The following FAM193B variants were observed in gnomAD, a reference collection of about 807,000 sequenced individuals.
FAM193B encodes protein FAM193B.
A neutral mutation model predicts 70.7 loss-of-function variants in FAM193B; 27 were observed. That is an observed-to-expected ratio of 0.38 (90% confidence interval 0.28 to 0.53). The LOEUF is 0.53. Ranked by LOEUF, FAM193B falls within the 20% of genes least tolerant of loss-of-function variation. The probability of loss-of-function intolerance (pLI) is 0.81; values close to 1 mark genes in which losing one functional copy is unlikely to be tolerated. For synonymous variants in FAM193B, 448 were observed against 436.0 expected (o/e 1.03, Z -0.34); for missense variants, 1,022 against 1,072.5 (o/e 0.95, Z 0.66).
chr5:177,551,430 G>C (rs989559929), intron 1 of FAM193B, among the ~76,000 whole-genome samples: 3 of 152,168 alleles, frequency 2.0e-5, no homozygotes, highest in African/African-American at 7.2e-5. Context: ...TAAACTCAAG[G>C]TCCTGCTTTA....
Position 177,532,309 on chromosome 5 carries a change from G to C in FAM193B, c.1275+134C>G. The C allele has an allele frequency of 6.7e-7, 1 of 1,484,230 alleles. No individual in the cohort carries two copies. Among genetic ancestry groups the C allele is most frequent in the Non-Finnish European group, 9.0e-7 (1 of 1,116,708 alleles). 91.9% of individuals were successfully genotyped at this position (1,484,230 alleles called of 1,614,324 possible). ...TGCTGTGAGGATCAAGCGAGCAGAC[G>C]CAGGTGCAAGGACTCACGGCCCCAG... On this transcript the variant is annotated intron_variant, in intron 5 of 8. Transcript: ENST00000514747. The surrounding 1 kb of genome is among the most constrained non-coding windows in gnomAD (Gnocchi z 4.9).
Position 177,524,422 on chromosome 5 carries a change from C to G in FAM193B, c.2059G>C (p.Ala687Pro). The G allele has an allele frequency of 6.2e-7, 1 of 1,600,368 alleles. No homozygotes were observed. Among genetic ancestry groups the G allele is most frequent in the Non-Finnish European group, 8.5e-7 (1 of 1,173,594 alleles). The change falls in exon 6 of 9, where the codon GCT becomes CCT. Residue 687 changes from alanine to proline, a missense_variant. Coordinates refer to ENST00000514747, the MANE Select transcript of FAM193B (RefSeq NM_001190946.3). Reference protein sequence around the residue: ...VLELPKVGSCAEAGEGSRGSR... With the variant: ...VLELPKVGSCPEAGEGSRGSR... Reference sequence around the variant, plus strand: ...CCCCGGCTCCCCTCTCCAGCCTCAGCACAGCTGCCTACTTTGGGAAGCTCT... The same window carrying G: ...CCCCGGCTCCCCTCTCCAGCCTCAGGACAGCTGCCTACTTTGGGAAGCTCT...
chr5:177,520,713 C>A (rs1761597242), intron 8 of FAM193B, among the ~76,000 whole-genome samples: 1 of 152,200 alleles, frequency 6.6e-6, no homozygotes, highest in Non-Finnish European at 1.5e-5. Flanking sequence ...GTAGGGATAA[C>A]AGATGAAGTG....
chr5:177,550,480 CA>C (rs1229999695), intron 1 of FAM193B, among the ~76,000 whole-genome samples: 1 of 152,184 alleles, frequency 6.6e-6, no homozygotes, highest in African/African-American at 2.4e-5. Flanking sequence ...TCATCTGCTC[CA>C]ATTTCTTGAG....
chr5:177,525,124 T>C lies in FAM193B; in HGVS notation c.1357A>G (p.Arg453Gly). The change falls in exon 6 of 9, where the codon AGG becomes GGG. Residue 453 changes from arginine (R) to glycine (G), a missense_variant. Transcript: ENST00000514747. ...TCGGGCCACTCCAAGAGCCTCTCCC[T>C]GGCAGGCCTTGGCTCCCGGCTTCCA... is the stretch of plus-strand genomic sequence containing the variant. Reference protein sequence around the residue: ...VSGSREPRPARERLLEWPDRE... With the variant: ...VSGSREPRPAGERLLEWPDRE... 6.4e-7 allele frequency: 1 copy of C among 1,553,680 alleles called. No homozygotes were observed. The highest frequency in any genetic ancestry group is 1.2e-5 in the South Asian group (1 of 83,200).
chr5:177,538,962 A>G lies in FAM193B; in HGVS notation c.396T>C (p.Ser132=). The G allele has an allele frequency of 1.2e-6, 2 of 1,613,976 alleles. No homozygotes were observed. Among genetic ancestry groups the G allele is most frequent in the South Asian group, 2.2e-5 (2 of 91,080 alleles). The part of the protein sequence containing the change: ...LGEMPLWVCQ[S]CRKSMEEDER... Reference sequence around the variant, plus strand: ...CATCTTCCTCCATGCTCTTTCGGCAACTCTGGCAGACCCACAGAGGCATCT... The same window carrying G: ...CATCTTCCTCCATGCTCTTTCGGCAGCTCTGGCAGACCCACAGAGGCATCT... Residue 132 remains serine (S), a synonymous_variant, in exon 2 of 9, where the codon AGT becomes AGC. Coordinates refer to ENST00000514747, the MANE Select transcript of FAM193B (RefSeq NM_001190946.3). This position sits in a 1 kb window ranked among gnomAD's most constrained non-coding sequence, Gnocchi z 4.1.
At chr5:177,529,445 G>A (rs1033908075) in intron 5 of FAM193B, among the ~76,000 whole-genome samples, 3 of 152,084 alleles carry the variant, frequency 2.0e-5, no homozygotes, top group Admixed American at 1.3e-4. Flanking sequence ...GATGCATCAC[G>A]CTGCCACTGT....
chr5:177,552,874 C>G (rs1031879513), intron 1 of FAM193B, among the ~76,000 whole-genome samples: 14 of 152,190 alleles, frequency 9.2e-5, no homozygotes, highest in African/African-American at 3.1e-4. Flanking sequence ...ACAATAAGCA[C>G]GGGTTCTGGA....
chr5:177,543,504 T>C (rs937655538), intron 1 of FAM193B, among the ~76,000 whole-genome samples: 4 of 152,210 alleles, frequency 2.6e-5, no homozygotes, highest in African/African-American at 9.7e-5. Flanking sequence ...GCCCAGGCAG[T>C]TTGAGGGGCC....
intron 1 of FAM193B, among the ~76,000 whole-genome samples, chr5:177,540,987 G>A (rs541481559): frequency 2.0e-5 from 3 of 152,052 alleles, no homozygotes; most frequent in Admixed American, 6.5e-5. Flanking sequence ...TGGGTCCTTG[G>A]TTTCTCAAAA....
Position 177,524,207 on chromosome 5 carries a change from C to T in FAM193B, c.2274G>A (p.Gln758=), listed in dbSNP as rs763938952. 5.9e-5 allele frequency: 91 copies of T among 1,554,554 alleles called. No homozygotes were observed. The highest frequency in any genetic ancestry group is 7.7e-5 in the Non-Finnish European group (88 of 1,150,292). Residue 758 remains glutamine, a synonymous_variant, in exon 6 of 9, where the codon CAG becomes CAA. Coordinates refer to ENST00000514747, the MANE Select transcript of FAM193B (RefSeq NM_001190946.3). ...CACCCAAGGAGGAGGCTGGCTTCTCCTGCTTGTTGCGGCTCCGGCGGCTGC... is the reference window on the plus strand; with the variant it reads ...CACCCAAGGAGGAGGCTGGCTTCTCTTGCTTGTTGCGGCTCCGGCGGCTGC... ...KGRSRRSRNK[Q]EKPASSLDDV... is the part of the protein sequence containing the mutation.
intron 1 of FAM193B, among the ~76,000 whole-genome samples, chr5:177,549,901 A>G (rs1000498829): frequency 1.3e-5 from 2 of 152,234 alleles, no homozygotes; most frequent in African/African-American, 2.4e-5. Flanking sequence ...TATTGAGTAT[A>G]TAAGGTCCAC....
At position 177,524,821 on chromosome 5, in the gene FAM193B, C is replaced by T; in HGVS notation, c.1660G>A (p.Ala554Thr). 6.6e-7 allele frequency: 1 copy of T among 1,509,314 alleles called. No individual in the cohort carries two copies. The highest frequency in any genetic ancestry group is 8.8e-7 in the Non-Finnish European group (1 of 1,131,668). 93.5% of individuals were successfully genotyped at this position (1,509,314 alleles called of 1,614,324 possible). A position where few individuals can be genotyped will look rare whatever the true frequency, so the allele number is the denominator to read the frequency against. ...NHTLQAPGEPAPPWAEMRGPH... is the reference protein window; with the variant it reads ...NHTLQAPGEPTPPWAEMRGPH... ...CCTCTCATTTCTGCCCATGGTGGGGCTGGCTCGCCTGGAGCTTGTAACGTG... is the reference window on the plus strand; with the variant it reads ...CCTCTCATTTCTGCCCATGGTGGGGTTGGCTCGCCTGGAGCTTGTAACGTG... The change falls in exon 6 of 9, where the codon GCC becomes ACC. Residue 554 changes from alanine to threonine, a missense_variant. Coordinates refer to ENST00000514747, the MANE Select transcript of FAM193B (RefSeq NM_001190946.3).
In FAM193B at chr5:177,545,827, TG is replaced by T. The variant is rs1224348622; in HGVS notation, c.211-6681del. Among the ~76,000 whole-genome samples, 5 of 152,180 alleles carry T rather than the reference TG, an allele frequency of 3.3e-5. No homozygotes were observed. In the East Asian group the frequency reaches 9.6e-4, roughly 29 times the overall value. On this transcript the variant is annotated intron_variant, in intron 1 of 8. Transcript: ENST00000514747. ...ACTCAGCGTGGCCTCATTCATCCCA[TG>T]GATTCTTTTTCATCTCCAGAGTTTG...
rs555378577 is a variant in FAM193B at position 177,532,698 on chromosome 5, G to A, written c.1077-57C>T. The A allele has an allele frequency of 2.8e-6, 4 of 1,426,564 alleles. No homozygotes were observed. The African/African-American group carries it at 5.8e-5, about 21-fold the overall frequency. 88.4% of individuals were successfully genotyped at this position (1,426,564 alleles called of 1,614,324 possible). ...GCAGGGTGATGCAGAAACCCAGGAA[G>A]CATCCCAACCACCACCTGCCATCCT... On this transcript the variant is annotated intron_variant, in intron 4 of 8. Transcript: ENST00000514747. The surrounding 1 kb of genome is among the most constrained non-coding windows in gnomAD (Gnocchi z 4.9).
At position 177,532,660 on chromosome 5, in the gene FAM193B, G is replaced by A. The variant is rs778911648; in HGVS notation, c.1077-19C>T. The A allele has an allele frequency of 6.6e-7, 1 of 1,511,462 alleles. No individual in the cohort carries two copies. The highest frequency in any genetic ancestry group is 1.3e-5 in the South Asian group (1 of 75,818). 93.6% of individuals were successfully genotyped at this position (1,511,462 alleles called of 1,614,324 possible). ...GGGATCCCTGATGATGGGGAGGAAG[G>A]CCCAGAGGTGAGGCAGGGTGATGCA... On this transcript the variant is annotated intron_variant, in intron 4 of 8. Transcript: ENST00000514747. This position sits in a 1 kb window ranked among gnomAD's most constrained non-coding sequence, Gnocchi z 4.9.
chr5:177,521,507 G>A (rs1004054591), intron 8 of FAM193B, among the ~76,000 whole-genome samples: 1 of 152,244 alleles, frequency 6.6e-6, no homozygotes, highest in African/African-American at 2.4e-5. Context: ...CTCAGGGCTG[G>A]CCCCTTCTTA....
In FAM193B at chr5:177,538,357, G is replaced by A. The variant is rs1764434563; in HGVS notation, c.454-250C>T. 6.6e-6 allele frequency among the ~76,000 whole-genome samples: 1 copy of A among 152,232 alleles called. No homozygotes were observed. Among genetic ancestry groups the A allele is most frequent in the Non-Finnish European group, 1.5e-5 (1 of 68,034 alleles). On this transcript the variant is annotated intron_variant, in intron 2 of 8. Transcript: ENST00000514747. This position sits in a 1 kb window ranked among gnomAD's most constrained non-coding sequence, Gnocchi z 4.1. Reference sequence around the variant, plus strand: ...AGAGACTCTGGTAGGGGCAGAGACTGCCTGTGAACTGCGGGCCTTTGGGGA... The same window carrying A: ...AGAGACTCTGGTAGGGGCAGAGACTACCTGTGAACTGCGGGCCTTTGGGGA...
intron 4 of FAM193B, among the ~76,000 whole-genome samples, chr5:177,535,387 T>C (rs574230783): frequency 6.5e-4 from 99 of 152,346 alleles, no homozygotes; most frequent in African/African-American, 2.3e-3. Context: ...GACTTTCCAA[T>C]AGGAAGATAG....
Sources: allele counts gnomAD v4.1 joint callset (sites outside exome capture counted in the v4.1 genomes callset), GRCh38; gene constraint gnomAD v4.1.1; non-coding constraint Gnocchi (gnomAD v3.1); transcripts MANE v1.5; gene names NCBI Gene and HGNC (gene_info 2026-07-23, HGNC 2026-07-21).